CHRM3: variants seen among roughly 807,000 people sequenced by gnomAD.
CHRM3 encodes the protein cholinergic receptor muscarinic 3, also known as muscarinic acetylcholine receptor M3.
A neutral mutation model predicts 41.8 loss-of-function variants in CHRM3; 11 were observed. The observed-to-expected ratio is 0.26, with a 90% CI of 0.17 to 0.44. CHRM3 has a LOEUF of 0.44. Ranked by LOEUF, CHRM3 falls within the 20% of genes least tolerant of loss-of-function variation. The pLI, the probability that CHRM3 is intolerant of heterozygous loss-of-function variation, is 1.00. For synonymous variants in CHRM3, 297 were observed against 301.4 expected, an observed-to-expected ratio of 0.99 and a Z score of 0.15; for missense variants, 571 against 745.4, an observed-to-expected ratio of 0.77 and a Z score of 2.72.
At chr1:239,579,281 C>G (rs1436300250) in intron 3 of CHRM3, among the ~76,000 whole-genome samples, 1 of 152,176 alleles carries the variant, frequency 6.6e-6, no homozygotes, top group Non-Finnish European at 1.5e-5. Flanking sequence ...TAAACACACA[C>G]TGGTTCTTAG....
At chr1:239,496,718 T>G (rs976269962) in intron 2 of CHRM3, among the ~76,000 whole-genome samples, 1 of 152,124 alleles carries the variant, frequency 6.6e-6, no homozygotes, top group Non-Finnish European at 1.5e-5. Context: ...ATATACCATA[T>G]GTATACAGTC....
intron 1 of CHRM3, among the ~76,000 whole-genome samples, chr1:239,421,107 G>A (rs573526410): frequency 9.3e-4 from 141 of 152,138 alleles, no homozygotes; most frequent in African/African-American, 3.2e-3. Flanking sequence ...ATTTTTTAAG[G>A]GTTGACCCAA....
chr1:239,763,330 T>C (rs1666949275), intron 5 of CHRM3, among the ~76,000 whole-genome samples: 3 of 152,234 alleles, frequency 2.0e-5, no homozygotes, highest in Non-Finnish European at 4.4e-5. Context: ...ATGCAAAGAA[T>C]ACCTAGCATG....
At chr1:239,813,095 C>T (rs1360514303) in intron 5 of CHRM3, among the ~76,000 whole-genome samples, 1 of 152,082 alleles carries the variant, frequency 6.6e-6, no homozygotes, top group South Asian at 2.1e-4. Context: ...CTGGCCAATA[C>T]GGTGAAACCT....
intron 5 of CHRM3, among the ~76,000 whole-genome samples, chr1:239,678,934 T>C (rs1658272931): frequency 6.6e-6 from 1 of 152,176 alleles, no homozygotes; most frequent in South Asian, 2.1e-4. Flanking sequence ...ATTCTCACTA[T>C]ATATAAATAT....
intron 6 of CHRM3, among the ~76,000 whole-genome samples, chr1:239,834,148 T>TCACACACACACACACACACACACA (rs34990180): frequency 7.4e-6 from 1 of 135,232 alleles, no homozygotes. Flanking sequence ...TAATTCCACA[T>TCACACACACACACACACACACACA]CACACACACA....
intron 5 of CHRM3, chr1:239,703,984 A>G (rs1660914498): frequency 6.6e-6 from 1 of 152,240 alleles, no homozygotes; most frequent in South Asian, 2.1e-4. Context: ...AAGAGCTGGA[A>G]TAACTTTGGA....
intron 4 of CHRM3, among the ~76,000 whole-genome samples, chr1:239,672,599 TAC>T (rs35094370): frequency 1.1e-3 from 167 of 145,856 alleles, no homozygotes; most frequent in African/African-American, 2.6e-3. Flanking sequence ...TTCTTCCCAC[TAC>T]ACACACACAC....
At chr1:239,647,386 C>T (rs570577727) in intron 4 of CHRM3, among the ~76,000 whole-genome samples, 59 of 152,234 alleles carry the variant, frequency 3.9e-4, no homozygotes, top group Middle Eastern at 6.8e-3. Flanking sequence ...TCTCTATTTT[C>T]GTGGATTCGA....
At chr1:239,413,944 T>A (rs1246788143) in intron 1 of CHRM3, among the ~76,000 whole-genome samples, 1 of 152,222 alleles carries the variant, frequency 6.6e-6, no homozygotes, top group Non-Finnish European at 1.5e-5. Flanking sequence ...TTAAATCATT[T>A]GTAAGATATC....
At chr1:239,480,543 ATTTTTTTT>A (rs745979239) in intron 1 of CHRM3, among the ~76,000 whole-genome samples, 13 of 110,700 alleles carry the variant, frequency 1.2e-4, no homozygotes, top group African/African-American at 4.9e-4. Flanking sequence ...CGATAGCCCA[ATTTTTTTT>A]TTTTTTTTTT....
At chr1:239,456,996 T>A (rs1664990977) in intron 1 of CHRM3, among the ~76,000 whole-genome samples, 1 of 152,184 alleles carries the variant, frequency 6.6e-6, no homozygotes, top group South Asian at 2.1e-4. Flanking sequence ...TGGTCAGGTG[T>A]CTTAAGCCTC....
intron 1 of CHRM3, among the ~76,000 whole-genome samples, chr1:239,388,076 T>C (rs1658689825): frequency 6.6e-6 from 1 of 152,146 alleles, no homozygotes; most frequent in Admixed American, 6.5e-5. Context: ...TGCTTGTGCG[T>C]GTGTCCGACT....
intron 1 of CHRM3, among the ~76,000 whole-genome samples, chr1:239,411,636 A>T (rs1356488433): frequency 6.8e-6 from 1 of 147,156 alleles, no homozygotes; most frequent in African/African-American, 2.5e-5. Flanking sequence ...GAGGCAGGAC[A>T]ATCGCTTGAA....
chr1:239,485,853 G>T (rs1667154444), intron 1 of CHRM3, among the ~76,000 whole-genome samples: 1 of 152,254 alleles, frequency 6.6e-6, no homozygotes, highest in East Asian at 1.9e-4. Context: ...CTGTCAGTCG[G>T]TGATCTGCCA....
intron 5 of CHRM3, among the ~76,000 whole-genome samples, chr1:239,689,645 TC>T (rs1286271195): frequency 6.6e-6 from 1 of 152,172 alleles, no homozygotes; most frequent in Non-Finnish European, 1.5e-5. Flanking sequence ...TTCTCAGAGA[TC>T]CTAACAGCGG....
rs1203502091 is a variant in CHRM3, at chr1:239,414,252, T to G, written c.-521+27025T>G. Among the ~76,000 whole-genome samples the G allele has an allele frequency of 3.9e-5, 6 of 152,326 alleles. No individual in the cohort carries two copies. The South Asian group carries it at 6.2e-4, about 16-fold the overall frequency. ...CAATTAATTTGGTATTGAACACATA[T>G]GCTTTGATAACAGGTAACTGCTTGT... On this transcript the variant is annotated intron_variant, in intron 1 of 6. Transcript: ENST00000676153.
intron 2 of CHRM3, among the ~76,000 whole-genome samples, chr1:239,535,136 A>G (rs910429319): frequency 3.3e-5 from 5 of 152,088 alleles, no homozygotes; most frequent in Non-Finnish European, 7.4e-5. Flanking sequence ...TCAGAAGTGG[A>G]ATTAATTCAG....
At chr1:239,708,383 T>A (rs1051044514) in intron 5 of CHRM3, among the ~76,000 whole-genome samples, 1 of 152,212 alleles carries the variant, frequency 6.6e-6, no homozygotes, top group African/African-American at 2.4e-5. Context: ...TTGCCCTCCC[T>A]GCTTTAGCAC....
Sources: allele counts gnomAD v4.1 joint callset (sites outside exome capture counted in the v4.1 genomes callset), GRCh38; gene constraint gnomAD v4.1.1; transcripts MANE v1.5; gene names NCBI Gene and HGNC (gene_info 2026-07-23, HGNC 2026-07-21).